RBM47: variants seen among roughly 807,000 people sequenced by gnomAD.
The protein encoded by RBM47 is RNA-binding protein 47.
RBM47 carries 21 observed loss-of-function variants against 47.1 expected under a neutral mutation model. The ratio of observed to expected loss-of-function variants is 0.45; its 90% CI spans 0.32 to 0.64. The LOEUF is 0.64. RBM47 is among the 30% of genes least tolerant of loss of function. RBM47 has a pLI of 0.05. For synonymous variants in RBM47, 375 were observed against 361.7 expected, an observed-to-expected ratio of 1.04 and a Z score of -0.42; for missense variants, 708 against 870.9, an observed-to-expected ratio of 0.81 and a Z score of 2.35.
At chr4:40,608,127 T>C (rs1335638993) in intron 1 of RBM47, among the ~76,000 whole-genome samples, 1 of 152,070 alleles carries the variant, frequency 6.6e-6, no homozygotes, top group Non-Finnish European at 1.5e-5. Context: ...AATTTTCTAA[T>C]TTAAAATGGT....
intron 2 of RBM47, among the ~76,000 whole-genome samples, chr4:40,496,489 G>A (rs910643915): frequency 6.6e-6 from 1 of 152,116 alleles, no homozygotes; most frequent in East Asian, 1.9e-4. Flanking sequence ...AAAATCACTT[G>A]TCTATGCAGA....
rs1268473905 is a variant in RBM47 at position 40,629,854 on chromosome 4, G to C, written c.-698C>G. ...GGGGCGCTGCGCACGGGAGCGCTCA[G>C]CGTCTAGTCTGCGGGCCCTTCCCGG... On this transcript the variant is annotated 5_prime_UTR_variant, in exon 1 of 7. Coordinates refer to ENST00000295971, the MANE Select transcript of RBM47 (RefSeq NM_001098634.2). 6.6e-6 allele frequency: 1 copy of C among 152,194 alleles called. No homozygotes were observed. The allele number at this position is 152,194 out of a possible 1,614,324, so 9.4% of individuals were successfully genotyped here.
upstream of RBM47, chr4:40,629,913 T>C (rs1738085221): frequency 7.0e-6 from 1 of 142,208 alleles, no homozygotes; most frequent in African/African-American, 2.5e-5. Flanking sequence ...GCCCGCCCCC[T>C]GCCGAGGCCA....
chr4:40,464,410 G>A (rs967574983), intron 3 of RBM47, among the ~76,000 whole-genome samples: 4 of 152,090 alleles, frequency 2.6e-5, no homozygotes, highest in Admixed American at 2.0e-4. Context: ...ATTAGGCACA[G>A]TAAGAGATTA....
chr4:40,457,045 TG>T (rs1018298628), intron 3 of RBM47, among the ~76,000 whole-genome samples: 1 of 152,222 alleles, frequency 6.6e-6, no homozygotes, highest in Admixed American at 6.5e-5. Context: ...AACTTCTTTT[TG>T]GCAGTAGAGT....
At chr4:40,586,877 G>A (rs1461541372) in intron 1 of RBM47, among the ~76,000 whole-genome samples, 1 of 152,076 alleles carries the variant, frequency 6.6e-6, no homozygotes, top group Non-Finnish European at 1.5e-5. Flanking sequence ...GGGGCAGGAG[G>A]GGATTCACAA....
chr4:40,456,564 C>CTTTTTTT (rs1277526841), intron 3 of RBM47, among the ~76,000 whole-genome samples: 8 of 78,658 alleles, frequency 1.0e-4, no homozygotes, highest in South Asian at 5.2e-4. Context: ...TTTTTCTTTT[C>CTTTTTTT]TTTTTTCTTT....
chr4:40,581,126 A>G (rs903641408), intron 1 of RBM47, among the ~76,000 whole-genome samples: 1 of 152,148 alleles, frequency 6.6e-6, no homozygotes. Context: ...GTTTTAGTCT[A>G]AAGAAAAGGA....
intron 1 of RBM47, among the ~76,000 whole-genome samples, chr4:40,549,572 G>T (rs1729358320): frequency 6.7e-6 from 1 of 149,618 alleles, no homozygotes; most frequent in Non-Finnish European, 1.5e-5. Context: ...GCCCAGGCTG[G>T]AGTACAGTGG....
intron 1 of RBM47, among the ~76,000 whole-genome samples, chr4:40,591,854 G>A (rs542396422): frequency 6.6e-6 from 1 of 152,310 alleles, no homozygotes; most frequent in Non-Finnish European, 1.5e-5. Flanking sequence ...TACAAGTGAA[G>A]ACATATGGCA....
chr4:40,485,135 C>T (rs527284985), intron 2 of RBM47, among the ~76,000 whole-genome samples: 1 of 152,276 alleles, frequency 6.6e-6, no homozygotes, highest in Non-Finnish European at 1.5e-5. Flanking sequence ...TTGCTCTCAA[C>T]CTTTTCTCAC....
At chr4:40,536,717 G>GT (rs1560453474) in intron 2 of RBM47, among the ~76,000 whole-genome samples, 1 of 115,420 alleles carries the variant, frequency 8.7e-6, no homozygotes, top group African/African-American at 5.1e-5. Context: ...GTGTGTGTGT[G>GT]TTTTTGTTTT....
chr4:40,548,403 G>A lies in RBM47; in HGVS notation c.-239-3897C>T, dbSNP rs189586358. 2.0e-5 allele frequency among the ~76,000 whole-genome samples: 3 copies of A among 152,278 alleles called. No homozygotes were observed. In the East Asian group the frequency reaches 5.8e-4, roughly 29 times the overall value. ...AACCAGGAGCCCACATTTGATTGCC[G>A]AGGGAGCCATCGGAGAATTTTAATC... On this transcript the variant is annotated intron_variant, in intron 1 of 6. Transcript: ENST00000295971.
At chr4:40,534,700 C>T (rs35318275) in intron 2 of RBM47, among the ~76,000 whole-genome samples, 13,091 of 151,934 alleles carry the variant, frequency 0.086, 984 homozygotes, top group African/African-American at 0.21. Flanking sequence ...TTTGGGAGGC[C>T]GAGGCAGGCG....
At chr4:40,626,518 T>C (rs1188831891) in intron 1 of RBM47, among the ~76,000 whole-genome samples, 6 of 152,208 alleles carry the variant, frequency 3.9e-5, no homozygotes, top group Admixed American at 3.9e-4. Flanking sequence ...AATTCCACAC[T>C]AGGACCACAT....
At chr4:40,614,952 G>A (rs1736588552) in intron 1 of RBM47, among the ~76,000 whole-genome samples, 1 of 151,830 alleles carries the variant, frequency 6.6e-6, no homozygotes, top group Non-Finnish European at 1.5e-5. Context: ...ACTTCTCACG[G>A]GTGGTTTGTT....
intron 5 of RBM47, among the ~76,000 whole-genome samples, chr4:40,433,575 T>C (rs991113673): frequency 9.9e-5 from 15 of 152,150 alleles, no homozygotes; most frequent in South Asian, 2.1e-4. Context: ...CTACTGCCTG[T>C]GAGAGTTGGG....
intron 2 of RBM47, among the ~76,000 whole-genome samples, chr4:40,496,354 A>G (rs1161690433): frequency 9.1e-6 from 1 of 109,576 alleles, no homozygotes; most frequent in Non-Finnish European, 2.0e-5. Context: ...ACACACACAC[A>G]CACACACACA....
At chr4:40,523,006 C>T (rs1402538633) in intron 2 of RBM47, among the ~76,000 whole-genome samples, 4 of 149,162 alleles carry the variant, frequency 2.7e-5, no homozygotes, top group Non-Finnish European at 4.4e-5. Context: ...GTCTCACTCA[C>T]CCAGGCTGGG....
Sources: gnomAD v4.1 joint callset for allele counts (sites outside exome capture counted in the v4.1 genomes callset) on GRCh38, gnomAD v4.1.1 for gene constraint, MANE v1.5 for transcripts, NCBI Gene and HGNC (gene_info 2026-07-23, HGNC 2026-07-21) for gene names.